Variants in PPP2R5E observed in about 807,000 individuals in gnomAD.
PPP2R5E encodes the protein serine/threonine-protein phosphatase 2A 56 kDa regulatory subunit epsilon isoform.
PPP2R5E carries 4 observed loss-of-function variants against 65.3 expected under a neutral mutation model. The ratio of observed to expected loss-of-function variants is 0.06; its 90% confidence interval spans 0.03 to 0.14. PPP2R5E has a LOEUF of 0.14. PPP2R5E is among the 10% of genes least tolerant of loss of function. PPP2R5E has a pLI of 1.00. For synonymous variants in PPP2R5E, 183 were observed against 187.4 expected, an observed-to-expected ratio of 0.98 and a Z score of 0.19; for missense variants, 274 against 556.1, an observed-to-expected ratio of 0.49 and a Z score of 5.10.
At position 63,391,799 on chromosome 14, in the gene PPP2R5E, C is replaced by G. The variant is rs1885040283; in HGVS notation, c.954+18G>C. 1 of 1,609,764 alleles carries G rather than the reference C, an allele frequency of 6.2e-7. No homozygotes were observed. The highest frequency in any genetic ancestry group is 1.1e-5 in the South Asian group (1 of 90,992). Reference sequence around the variant, plus strand: ...ATATTCAGTAAGCTATGAACACTCTCTGACAGTAAGCACTTACCTCTTTTT... The same window carrying G: ...ATATTCAGTAAGCTATGAACACTCTGTGACAGTAAGCACTTACCTCTTTTT... On this transcript the variant is annotated intron_variant, in intron 10 of 13. Coordinates refer to ENST00000337537, the MANE Select transcript of PPP2R5E (RefSeq NM_006246.5).
At chr14:63,455,569 G>C (rs539158419) in intron 2 of PPP2R5E, among the ~76,000 whole-genome samples, 140 of 152,116 alleles carry the variant, frequency 9.2e-4, no homozygotes, top group Non-Finnish European at 1.6e-3. Flanking sequence ...GGATTTAATC[G>C]GTTTTACAAT....
At chr14:63,484,752 G>A (rs1206021981) in intron 2 of PPP2R5E, among the ~76,000 whole-genome samples, 2 of 152,120 alleles carry the variant, frequency 1.3e-5, no homozygotes, top group Admixed American at 6.5e-5. Context: ...CAAAAGATAT[G>A]GAGAGGTTCA....
chr14:63,396,808 C>A, intron 5 of PPP2R5E, 92 bp from the exon 6 acceptor site: 1 of 1,480,526 alleles, frequency 6.8e-7, no homozygotes. Context: ...CTTCCTTCCT[C>A]AAAAAATGTG....
At position 63,377,129 on chromosome 14, in the gene PPP2R5E, A is replaced by G. The variant is rs1289217533; in HGVS notation, c.1305-1021T>C. Among the ~76,000 whole-genome samples the G allele has an allele frequency of 3.3e-5, 5 of 151,936 alleles. No individual in the cohort carries two copies. In the East Asian group the frequency reaches 9.7e-4, roughly 30 times the overall value. ...ACACCACTGCACTCCAGTCTGGGGG[A>G]CAGAGCAAGACTCCGTCTCCAAAAA... On this transcript the variant is annotated intron_variant, in intron 13 of 13. Transcript: ENST00000337537.
At chr14:63,522,063 C>G (rs1024559963) in intron 2 of PPP2R5E, among the ~76,000 whole-genome samples, 1 of 146,498 alleles carries the variant, frequency 6.8e-6, no homozygotes, top group South Asian at 2.5e-4. Flanking sequence ...CCTGCCTCAG[C>G]TTGCCGAGTG....
chr14:63,451,014 AGGAT>A (rs903296220), intron 3 of PPP2R5E, among the ~76,000 whole-genome samples: 1 of 152,232 alleles, frequency 6.6e-6, no homozygotes, highest in African/African-American at 2.4e-5. Flanking sequence ...AATGCTGGTG[AGGAT>A]GTGGAGCAGC....
At chr14:63,520,996 G>A (rs1047708654) in intron 2 of PPP2R5E, among the ~76,000 whole-genome samples, 3 of 151,450 alleles carry the variant, frequency 2.0e-5, no homozygotes, top group Non-Finnish European at 4.4e-5. Context: ...CCAAGATCGC[G>A]CCACTGCACT....
intron 3 of PPP2R5E, among the ~76,000 whole-genome samples, chr14:63,428,444 T>C (rs1887455843): frequency 6.6e-6 from 1 of 152,220 alleles, no homozygotes; most frequent in Non-Finnish European, 1.5e-5. Flanking sequence ...TTATTCACTA[T>C]TTATCTGAAA....
chr14:63,533,203 T>TA (rs2139762973), intron 2 of PPP2R5E, among the ~76,000 whole-genome samples: 1 of 152,324 alleles, frequency 6.6e-6, no homozygotes, highest in African/African-American at 2.4e-5. Flanking sequence ...AATCTGGTAT[T>TA]ATATTGCATG....
chr14:63,442,562 TGAGAGAGAGACA>T (rs767496710), intron 3 of PPP2R5E, among the ~76,000 whole-genome samples: 1 of 152,228 alleles, frequency 6.6e-6, no homozygotes, highest in Admixed American at 6.5e-5. Flanking sequence ...TAAGACATTT[TGAGAGAGAGACA>T]GAGAGAGAGA....
intron 2 of PPP2R5E, among the ~76,000 whole-genome samples, chr14:63,506,315 G>T (rs1426788470): frequency 1.3e-5 from 2 of 152,092 alleles, no homozygotes; most frequent in Admixed American, 6.5e-5. Context: ...GCCGGGCATG[G>T]TGGCGGGCGC....
At chr14:63,532,604 T>G (rs891193176) in intron 2 of PPP2R5E, among the ~76,000 whole-genome samples, 1 of 152,196 alleles carries the variant, frequency 6.6e-6, no homozygotes, top group Non-Finnish European at 1.5e-5. Context: ...GAAACCCCCA[T>G]TAAATAACAA....
At chr14:63,459,949 G>A (rs1472674352) in intron 2 of PPP2R5E, among the ~76,000 whole-genome samples, 5 of 152,150 alleles carry the variant, frequency 3.3e-5, no homozygotes, top group Admixed American at 2.0e-4. Flanking sequence ...GGTGAATGTC[G>A]AGTTGGCTGC....
intron 13 of PPP2R5E, among the ~76,000 whole-genome samples, chr14:63,380,347 C>T (rs894425440): frequency 1.3e-5 from 2 of 151,922 alleles, no homozygotes; most frequent in South Asian, 2.1e-4. Context: ...TAATTTGCAA[C>T]AATCGCTAAT....
At chr14:63,475,378 A>G (rs2139573670) in intron 2 of PPP2R5E, among the ~76,000 whole-genome samples, 1 of 152,346 alleles carries the variant, frequency 6.6e-6, no homozygotes, top group Admixed American at 6.5e-5. Flanking sequence ...ATCCATTAGA[A>G]GGGGGTGTCT....
chr14:63,424,773 A>G (rs1566692223), intron 3 of PPP2R5E, among the ~76,000 whole-genome samples: 2 of 151,868 alleles, frequency 1.3e-5, no homozygotes, highest in African/African-American at 2.4e-5. Context: ...AAAGACAGAA[A>G]GGGTCCTTGG....
intron 11 of PPP2R5E, among the ~76,000 whole-genome samples, chr14:63,388,695 T>C (rs1220531079): frequency 6.6e-6 from 1 of 152,210 alleles, no homozygotes; most frequent in Non-Finnish European, 1.5e-5. Flanking sequence ...CATATTAACA[T>C]GTCTTTTGGT....
chr14:63,401,011 A>C (rs1045217408), intron 5 of PPP2R5E, among the ~76,000 whole-genome samples: 2 of 152,204 alleles, frequency 1.3e-5, no homozygotes, highest in African/African-American at 4.8e-5. Flanking sequence ...ATAATTAAGC[A>C]AGAAATGTTT....
intron 2 of PPP2R5E, among the ~76,000 whole-genome samples, chr14:63,518,015 AC>A (rs1892735184): frequency 6.6e-6 from 1 of 151,432 alleles, no homozygotes; most frequent in Admixed American, 6.6e-5. Flanking sequence ...AAGATTGTGT[AC>A]TTTAATAACA....
Sources: allele counts gnomAD v4.1 joint callset (sites outside exome capture counted in the v4.1 genomes callset), GRCh38; gene constraint gnomAD v4.1.1; transcripts MANE v1.5; gene names NCBI Gene and HGNC (gene_info 2026-07-23, HGNC 2026-07-21).